SNTA1: variants seen among roughly 807,000 people sequenced by gnomAD.
The protein encoded by SNTA1 is alpha-1-syntrophin.
SNTA1 carries 31 observed loss-of-function variants against 47.1 expected under a neutral mutation model. The observed-to-expected ratio is 0.66, with a 90% CI of 0.49 to 0.89. The LOEUF (loss-of-function observed/expected upper bound fraction) is 0.89, where lower values mean the gene tolerates loss of function less well. SNTA1 is among the 40% of genes least tolerant of loss of function. SNTA1 has a pLI of 0.00. For missense variants in SNTA1, 575 were observed against 693.0 expected, an observed-to-expected ratio of 0.83 and a Z score of 1.91; for synonymous variants, 300 against 313.6, an observed-to-expected ratio of 0.96 and a Z score of 0.46.
chr20:33,441,122 T>C (rs1023360000), intron 1 of SNTA1, among the ~76,000 whole-genome samples: 6 of 152,228 alleles, frequency 3.9e-5, no homozygotes, highest in African/African-American at 1.4e-4. Context: ...ACTTACCAAA[T>C]GCCAAGCACT....
chr20:33,411,025 A>C (rs1989727597), intron 5 of SNTA1, among the ~76,000 whole-genome samples: 4 of 152,154 alleles, frequency 2.6e-5, no homozygotes, highest in Admixed American at 1.3e-4. Flanking sequence ...ATGGGGGACA[A>C]GGACTTCAGA....
At chr20:33,442,612 A>G (rs1600867351) in intron 1 of SNTA1, among the ~76,000 whole-genome samples, 1 of 152,086 alleles carries the variant, frequency 6.6e-6, no homozygotes, top group Non-Finnish European at 1.5e-5. Context: ...CAGAGGCGGG[A>G]CGGGACTTTT....
In SNTA1 at chr20:33,443,490, G is replaced by A. The variant is rs867281520; in HGVS notation, c.131C>T (p.Pro44Leu). The A allele has an allele frequency of 1.5e-6, 2 of 1,378,758 alleles. No individual in the cohort carries two copies. The highest frequency in any genetic ancestry group is 3.0e-5 in the African/African-American group (2 of 66,712). 85.4% of individuals were successfully genotyped at this position (1,378,758 alleles called of 1,614,324 possible). ...CTCGGGACCAGGGTCGCCGTCGGCGGGGCTCACGGTCAGCACGTCCTCCGC... is the reference window on the plus strand; with the variant it reads ...CTCGGGACCAGGGTCGCCGTCGGCGAGGCTCACGGTCAGCACGTCCTCCGC... ...SLAEDVLTVS[P>L]ADGDPGPEPG... Residue 44 changes from proline (P) to leucine (L), a missense_variant, in exon 1 of 8, where the codon CCC becomes CTC. Pro to Leu is a moderately conservative substitution (Grantham distance 98, BLOSUM62 -3). Transcript: ENST00000217381.
chr20:33,410,374 G>T lies in SNTA1; in HGVS notation c.1041-43C>A, dbSNP rs748256045. The T allele has an allele frequency of 6.6e-6, 9 of 1,354,730 alleles. 1 individual carries two copies. Among genetic ancestry groups the T allele is most frequent in the South Asian group, 3.7e-5 (3 of 81,590 alleles). 83.9% of individuals were successfully genotyped at this position (1,354,730 alleles called of 1,614,324 possible). A position where few individuals can be genotyped will look rare whatever the true frequency, so the allele number is the denominator to read the frequency against. On this transcript the variant is annotated intron_variant, in intron 5 of 7. Coordinates refer to ENST00000217381, the MANE Select transcript of SNTA1 (RefSeq NM_003098.3). ...AGGGCTGAGCATGAGGCCTCAGGCCGGAGGCAAATAGTTCTGGGCAAAGGG... is the reference window on the plus strand; with the variant it reads ...AGGGCTGAGCATGAGGCCTCAGGCCTGAGGCAAATAGTTCTGGGCAAAGGG...
intron 1 of SNTA1, 104 bp from the exon 2 acceptor site, chr20:33,439,130 C>A: frequency 9.2e-7 from 1 of 1,084,110 alleles, no homozygotes; most frequent in South Asian, 1.3e-5. Context: ...GTGCCTAGCC[C>A]AGTGCTGGAA....
intron 2 of SNTA1, among the ~76,000 whole-genome samples, chr20:33,433,693 G>T (rs1990366571): frequency 6.6e-6 from 1 of 152,090 alleles, no homozygotes; most frequent in Non-Finnish European, 1.5e-5. Context: ...TGGCCTTCAA[G>T]GGCCCAGGCT....
chr20:33,412,460 G>A (rs1244560735), intron 4 of SNTA1, 34 bp from the exon 5 acceptor site: 1 of 1,608,806 alleles, frequency 6.2e-7, no homozygotes, highest in South Asian at 1.1e-5. Flanking sequence ...AGGATGGGTG[G>A]GGGAAGAGAG....
intron 2 of SNTA1, among the ~76,000 whole-genome samples, chr20:33,435,135 C>T (rs1990409625): frequency 6.6e-6 from 1 of 151,212 alleles, no homozygotes; most frequent in African/African-American, 2.4e-5. Flanking sequence ...GGATTACAGG[C>T]ACGCGCCACC....
chr20:33,417,883 A>T lies in SNTA1; in HGVS notation c.537T>A (p.Ser179=), dbSNP rs757745876. ...MKDVSPYFKN[S]TGGTSVGWDS... ...CCCAGCCGACCGAGGTCCCACCAGTAGAGTTCTTGAAATACGGTGAGACGT... is the reference window on the plus strand; with the variant it reads ...CCCAGCCGACCGAGGTCCCACCAGTTGAGTTCTTGAAATACGGTGAGACGT... The change falls in exon 3 of 8, where the codon TCT becomes TCA. Residue 179 remains serine, a synonymous_variant. Transcript: ENST00000217381. 6.2e-7 allele frequency: 1 copy of T among 1,614,062 alleles called. No individual in the cohort carries two copies. Among genetic ancestry groups the T allele is most frequent in the East Asian group, 2.2e-5 (1 of 44,884 alleles).
chr20:33,436,494 C>G (rs1329097940), intron 2 of SNTA1, among the ~76,000 whole-genome samples: 1 of 152,046 alleles, frequency 6.6e-6, no homozygotes, highest in Non-Finnish European at 1.5e-5. Context: ...ATGATTGATA[C>G]ACTTAAGCTT....
chr20:33,411,248 C>A (rs1374216057), intron 5 of SNTA1, among the ~76,000 whole-genome samples: 1 of 152,066 alleles, frequency 6.6e-6, no homozygotes, highest in East Asian at 1.9e-4. Flanking sequence ...GGCTTCCTAT[C>A]CAAGCTCCCT....
chr20:33,432,123 C>T (rs1021161811), intron 2 of SNTA1, among the ~76,000 whole-genome samples: 1 of 152,242 alleles, frequency 6.6e-6, no homozygotes, highest in Non-Finnish European at 1.5e-5. Flanking sequence ...TTCATGCCCT[C>T]TTCCTGGGAC....
Position 33,412,780 on chromosome 20 carries a change from T to C in SNTA1, c.704A>G (p.Tyr235Cys). 1.2e-6 allele frequency: 2 copies of C among 1,605,174 alleles called. No homozygotes were observed. The highest frequency in any genetic ancestry group is 1.7e-6 in the Non-Finnish European group (2 of 1,175,922). The change falls in exon 4 of 8, where the codon TAT becomes TGT. Residue 235 changes from tyrosine to cysteine, a missense_variant and splice_region_variant. Transcript: ENST00000217381. The stretch of plus-strand genomic sequence containing the variant: ...ACCATCTGCCGAGCAGATCTCCAGA[T>C]ACCTGCAGGCACAAATGGGTGGAGA... ...RCTPNDPEPR[Y>C]LEICSADGQD...
rs761116006 is a variant in SNTA1 at position 33,408,845 on chromosome 20, G to A, written c.1281C>T (p.Ile427=). The A allele has an allele frequency of 4.3e-5, 70 of 1,614,190 alleles. No homozygotes were observed. Among genetic ancestry groups the A allele is most frequent in the Middle Eastern group, 1.6e-4 (1 of 6,062 alleles). The change falls in exon 7 of 8, where the codon ATC becomes ATT. Residue 427 remains isoleucine, a synonymous_variant. Coordinates refer to ENST00000217381, the MANE Select transcript of SNTA1 (RefSeq NM_003098.3). ...CCGCCCACAGTGTGAAGCCCTTGTC[G>A]ATGTGCACAGACAGGCTGCAGGGAC... is the stretch of plus-strand genomic sequence containing the variant. The part of the protein sequence containing the change: ...NGRPCSLSVH[I]DKGFTLWAAE...
At chr20:33,428,592 A>G (rs1166890831) in intron 2 of SNTA1, among the ~76,000 whole-genome samples, 56 of 151,462 alleles carry the variant, frequency 3.7e-4, no homozygotes, top group Non-Finnish European at 4.4e-5. Context: ...TTTTTTTTTA[A>G]GAGACAGTGT....
At chr20:33,432,059 A>G (rs778077458) in intron 2 of SNTA1, among the ~76,000 whole-genome samples, 3 of 152,208 alleles carry the variant, frequency 2.0e-5, no homozygotes, top group Non-Finnish European at 4.4e-5. Flanking sequence ...CCTTGAGAAC[A>G]ATGGTCAGAA....
At position 33,434,802 on chromosome 20, in the gene SNTA1, T is replaced by C. The variant is rs1171528100; in HGVS notation, c.496+4039A>G. ...ATCTGCCCACCTAAGCCTCCCAAAGTGTTGGGATTACAGGCGTAAGCCACC... is the reference window on the plus strand; with the variant it reads ...ATCTGCCCACCTAAGCCTCCCAAAGCGTTGGGATTACAGGCGTAAGCCACC... On this transcript the variant is annotated intron_variant, in intron 2 of 7. Coordinates refer to ENST00000217381, the MANE Select transcript of SNTA1 (RefSeq NM_003098.3). Among the ~76,000 whole-genome samples, 4 of 151,222 alleles carry C rather than the reference T, an allele frequency of 2.6e-5. No homozygotes were observed. The East Asian group carries it at 7.8e-4, about 30-fold the overall frequency.
intron 3 of SNTA1, 58 bp from the exon 4 acceptor site, chr20:33,412,840 C>T: frequency 7.8e-7 from 1 of 1,279,086 alleles, no homozygotes; most frequent in South Asian, 1.3e-5. Context: ...GCTGCCCAAC[C>T]CTGGCCCAAG....
At chr20:33,434,447 GC>G (rs1189170582) in intron 2 of SNTA1, among the ~76,000 whole-genome samples, 1 of 152,102 alleles carries the variant, frequency 6.6e-6, no homozygotes, top group Non-Finnish European at 1.5e-5. Flanking sequence ...AAACATGAAG[GC>G]CACATTCTTC....
Sources: gnomAD v4.1 joint callset for allele counts (sites outside exome capture counted in the v4.1 genomes callset) on GRCh38, gnomAD v4.1.1 for gene constraint, MANE v1.5 for transcripts, NCBI Gene and HGNC (gene_info 2026-07-23, HGNC 2026-07-21) for gene names.